Variants in CROCC2 observed in about 807,000 individuals in gnomAD.
The protein encoded by CROCC2 is ciliary rootlet coiled-coil protein 2.
Under a neutral mutation model 177.6 loss-of-function variants are expected in CROCC2, and 163 were observed. The observed-to-expected ratio is 0.92, with a 90% CI of 0.81 to 1.05. CROCC2 has a LOEUF of 1.05. Among genes scored for constraint, CROCC2 ranks in the 50% least tolerant of loss-of-function variants. The probability of loss-of-function intolerance (pLI) is 0.00; values close to 1 mark genes in which losing one functional copy is unlikely to be tolerated. For missense variants in CROCC2, 1,929 were observed against 1,797.8 expected, an observed-to-expected ratio of 1.07 and a Z score of -1.32; for synonymous variants, 904 against 787.3, an observed-to-expected ratio of 1.15 and a Z score of -2.48.
rs777507089 is a variant in CROCC2 at position 240,935,415 on chromosome 2, G to C, written c.1996G>C (p.Ala666Pro). 2.2e-6 allele frequency: 3 copies of C among 1,379,204 alleles called. No homozygotes were observed. The South Asian group carries it at 5.3e-5, about 24-fold the overall frequency. 85.4% of individuals were successfully genotyped at this position (1,379,204 alleles called of 1,614,324 possible). A position where few individuals can be genotyped will look rare whatever the true frequency, so the allele number is the denominator to read the frequency against. Reference protein sequence around the residue: ...EQRKTLEQERARAGEQLAQAE... With the variant: ...EQRKTLEQERPRAGEQLAQAE... ...GCGGAAGACTCTGGAGCAGGAACGGGCCCGGGCCGGGGAGCAGCTGGCACA... is the reference window on the plus strand; with the variant it reads ...GCGGAAGACTCTGGAGCAGGAACGGCCCCGGGCCGGGGAGCAGCTGGCACA... The change falls in exon 14 of 32, where the codon GCC becomes CCC. Residue 666 changes from alanine to proline, a missense_variant. By Grantham distance (27) the Ala-to-Pro change is conservative. Coordinates refer to ENST00000690015, the MANE Select transcript of CROCC2 (RefSeq NM_001351305.2).
Position 240,929,730 on chromosome 2 carries a change from C to A in CROCC2, c.646-436C>A, listed in dbSNP as rs772052936. 4.3e-6 allele frequency: 2 copies of A among 460,318 alleles called. 1 individual carries two copies. The highest frequency in any genetic ancestry group is 3.1e-5 in the South Asian group (2 of 64,582). 28.5% of individuals were successfully genotyped at this position (460,318 alleles called of 1,614,324 possible). A position where few individuals can be genotyped will look rare whatever the true frequency, so the allele number is the denominator to read the frequency against. On this transcript the variant is annotated intron_variant, in intron 5 of 31. Transcript: ENST00000690015. ...AAAGACTGTACTGGAGAAAGGCAGC[C>A]CGTCCTCTTCCATTGGAGTGGCAGG...
At chr2:240,989,918 C>T in intron 30 of CROCC2, 85 bp downstream of exon 30, 1 of 1,315,682 alleles carries the variant, frequency 7.6e-7, no homozygotes, top group Non-Finnish European at 1.0e-6. Flanking sequence ...GTAGGGGTGA[C>T]TTCTTGAAGT....
intron 22 of CROCC2, 60 bp downstream of exon 22, chr2:240,964,685 G>C (rs1000967416): frequency 6.6e-7 from 1 of 1,513,506 alleles, no homozygotes; most frequent in African/African-American, 1.4e-5. Flanking sequence ...GTGGGTCCCG[G>C]CTCCTCCCAG....
chr2:240,950,528 G>A lies in CROCC2; in HGVS notation c.2829+18G>A, dbSNP rs1005790712. ...TGCAACAGGTGATGGTGAGGCTGGGGGGCAGCGGGATTGCTCACACCCACT... is the reference window on the plus strand; with the variant it reads ...TGCAACAGGTGATGGTGAGGCTGGGAGGCAGCGGGATTGCTCACACCCACT... On this transcript the variant is annotated intron_variant, in intron 18 of 31. Coordinates refer to ENST00000690015, the MANE Select transcript of CROCC2 (RefSeq NM_001351305.2). 3.9e-6 allele frequency: 6 copies of A among 1,541,086 alleles called. No individual in the cohort carries two copies. Among genetic ancestry groups the A allele is most frequent in the African/African-American group, 2.7e-5 (2 of 72,920 alleles).
Position 240,906,541 on chromosome 2 carries a change from A to C in CROCC2, c.28A>C (p.Asn10His). MSSASSEPG[N>H]GDASQQPLLG... is the part of the protein sequence containing the mutation. ...GAGCTCTGCCTCCAGTGAGCCTGGC[A>C]ATGGGGACGCCTCCCAACAGCCCCT... The change falls in exon 1 of 32, where the codon AAT (asparagine) becomes CAT (histidine). Residue 10 changes from asparagine to histidine, a missense_variant. By Grantham distance (68) the Asn-to-His change is moderately conservative (BLOSUM62 1). Transcript: ENST00000690015. The C allele has an allele frequency of 2.5e-6, 1 of 399,130 alleles. No individual in the cohort carries two copies. Among genetic ancestry groups the C allele is most frequent in the Non-Finnish European group, 4.4e-6 (1 of 226,122 alleles). The allele number at this position is 399,130 out of a possible 1,614,324, so 24.7% of individuals were successfully genotyped here.
rs917447482 is a variant in CROCC2, at chr2:240,935,502, C to T, written c.2083C>T (p.Arg695Cys). Residue 695 changes from arginine to cysteine, a missense_variant, in exon 14 of 32, where the codon CGC (arginine) becomes TGC (cysteine). Around this residue, in one of 3 missense-constraint regions of CROCC2, gnomAD observed 1,397 missense variants for 1,239.9 expected, o/e 1.13. Coordinates refer to ENST00000690015, the MANE Select transcript of CROCC2 (RefSeq NM_001351305.2). ...ERRGLQQACG[R>C]LEQRQEQLEG... ...CAGGGGCCTGCAGCAGGCCTGCGGA[C>T]GCCTGGAGCAGCGGCAGGAGCAGCT... 3.1e-5 allele frequency: 42 copies of T among 1,344,116 alleles called. No individual in the cohort carries two copies. Among genetic ancestry groups the T allele is most frequent in the Admixed American group, 1.4e-4 (4 of 29,508 alleles). 83.3% of individuals were successfully genotyped at this position (1,344,116 alleles called of 1,614,324 possible). A position where few individuals can be genotyped will look rare whatever the true frequency, so the allele number is the denominator to read the frequency against.
intron 1 of CROCC2, among the ~76,000 whole-genome samples, chr2:240,910,785 C>T (rs186987282): frequency 2.0e-5 from 3 of 152,300 alleles, no homozygotes; most frequent in African/African-American, 4.8e-5. Context: ...TTCTTCATCT[C>T]ACTTCTGGAA....
rs769110062 is a variant in CROCC2, at chr2:240,918,914, C to T, written c.229+38C>T. On this transcript the variant is annotated intron_variant, in intron 2 of 31. Transcript: ENST00000690015. The surrounding 1 kb of genome is among the most constrained non-coding windows in gnomAD (Gnocchi z 6.3). ...GGGACAGTCCTGGGCCCGGGGCTGG[C>T]CAAGGTGACGGCGTGGGGGACAGTC... The T allele has an allele frequency of 1.1e-5, 7 of 660,166 alleles. No individual in the cohort carries two copies. The highest frequency in any genetic ancestry group is 3.3e-5 in the South Asian group (2 of 60,800). The allele number at this position is 660,166 out of a possible 1,614,324, so 40.9% of individuals were successfully genotyped here.
chr2:240,948,359 G>T (rs376643474), intron 15 of CROCC2, among the ~76,000 whole-genome samples: 1 of 152,164 alleles, frequency 6.6e-6, no homozygotes, highest in Admixed American at 6.5e-5. Flanking sequence ...GCCTGATCAG[G>T]AGCTGCCAGG....
At chr2:240,938,495 A>G (rs1450445291) in intron 14 of CROCC2, among the ~76,000 whole-genome samples, 1 of 152,256 alleles carries the variant, frequency 6.6e-6, no homozygotes, top group African/African-American at 2.4e-5. Context: ...TGAGTAGTGT[A>G]CACACATCCA....
intron 15 of CROCC2, 149 bp from the exon 16 acceptor site, chr2:240,948,830 G>T: frequency 2.7e-6 from 2 of 744,044 alleles, no homozygotes; most frequent in East Asian, 5.5e-5. Context: ...AGCACATGGT[G>T]CTCCAGAGAT....
rs958742328 is a variant in CROCC2, at chr2:240,988,831, G to C, written c.4644G>C (p.Gln1548His). The change falls in exon 29 of 32, where the codon CAG becomes CAC. Residue 1548 changes from glutamine to histidine, a missense_variant. Transcript: ENST00000690015. ...ACCAGTCTCTGAACAGCCTGCACCAGGAGGTGGACGGAGCCCTGAGGCAAA... is the reference window on the plus strand; with the variant it reads ...ACCAGTCTCTGAACAGCCTGCACCACGAGGTGGACGGAGCCCTGAGGCAAA... Reference protein sequence around the residue: ...QLDQSLNSLHQEVDGALRQNQ... With the variant: ...QLDQSLNSLHHEVDGALRQNQ... The C allele has an allele frequency of 1.3e-6, 2 of 1,504,542 alleles. No homozygotes were observed. The highest frequency in any genetic ancestry group is 2.8e-5 in the African/African-American group (2 of 71,530). The allele number at this position is 1,504,542 out of a possible 1,614,324, so 93.2% of individuals were successfully genotyped here.
intron 3 of CROCC2, among the ~76,000 whole-genome samples, chr2:240,921,422 C>T (rs2059356416): frequency 6.6e-6 from 1 of 152,206 alleles, no homozygotes; most frequent in Non-Finnish European, 1.5e-5. Flanking sequence ...TCCTGGGAGC[C>T]CCTACAGCTG....
In CROCC2 at chr2:240,949,447, C is replaced by A; in HGVS notation, c.2483-86C>A. The A allele has an allele frequency of 6.8e-7, 1 of 1,467,584 alleles. No individual in the cohort carries two copies. Among genetic ancestry groups the A allele is most frequent in the South Asian group, 1.3e-5 (1 of 75,804 alleles). The allele number at this position is 1,467,584 out of a possible 1,614,324, so 90.9% of individuals were successfully genotyped here. On this transcript the variant is annotated intron_variant, in intron 16 of 31. Transcript: ENST00000690015. This position sits in a 1 kb window ranked among gnomAD's most constrained non-coding sequence, Gnocchi z 4.5. ...GAGCCTGGAGTGGACAGTGCTTGCC[C>A]CCAAGACTGTCACTCCCTAGGAAGT...
chr2:240,962,835 T>C (rs2059652533), intron 20 of CROCC2, among the ~76,000 whole-genome samples: 1 of 152,016 alleles, frequency 6.6e-6, no homozygotes, highest in Non-Finnish European at 1.5e-5. Flanking sequence ...AGAGCGTAGG[T>C]GCTGGGGAGG....
chr2:240,916,371 TGCGTCCCCCTGC>T (rs2059320172), intron 1 of CROCC2, among the ~76,000 whole-genome samples: 1 of 13,916 alleles, frequency 7.2e-5, no homozygotes, highest in African/African-American at 3.6e-4. Context: ...CGCCCCCCTC[TGCGTCCCCCTGC>T]GCCCCCCTGC....
rs989889928 is a variant in CROCC2, at chr2:240,990,543, CATTT to C, written c.4864-644_4864-641del. Among the ~76,000 whole-genome samples the C allele has an allele frequency of 6.6e-5, 10 of 152,056 alleles. 1 individual carries two copies. Among genetic ancestry groups the C allele is most frequent in the African/African-American group, 2.4e-4 (10 of 41,336 alleles). On this transcript the variant is annotated intron_variant, in intron 30 of 31. Coordinates refer to ENST00000690015, the MANE Select transcript of CROCC2 (RefSeq NM_001351305.2). ...TTTGCTAAATTTATTAGCAAAAGGACATTTATTTATTTCCTTATCATTCTGAGTG... is the reference window on the plus strand; with the variant it reads ...TTTGCTAAATTTATTAGCAAAAGGACATTTATTTCCTTATCATTCTGAGTG...
chr2:240,951,884 C>T (rs948956544), intron 18 of CROCC2, among the ~76,000 whole-genome samples: 2 of 152,220 alleles, frequency 1.3e-5, no homozygotes, highest in Non-Finnish European at 2.9e-5. Flanking sequence ...GCCATCCTTC[C>T]ATCCCATCAG....
chr2:240,961,323 GAC>G (rs1334924544), intron 20 of CROCC2, among the ~76,000 whole-genome samples: 1 of 152,108 alleles, frequency 6.6e-6, no homozygotes, highest in Non-Finnish European at 1.5e-5. Context: ...GCTGAATGCA[GAC>G]ACACAAGCCT....
Sources: allele counts gnomAD v4.1 joint callset (sites outside exome capture counted in the v4.1 genomes callset), GRCh38; gene constraint gnomAD v4.1.1; regional missense constraint gnomAD v4.1.1; non-coding constraint Gnocchi (gnomAD v3.1); transcripts MANE v1.5; gene names NCBI Gene and HGNC (gene_info 2026-07-23, HGNC 2026-07-21).